The following SLC25A25 variants were observed in gnomAD, a reference collection of about 807,000 sequenced individuals.
SLC25A25 encodes the protein mitochondrial adenyl nucleotide antiporter SLC25A25.
SLC25A25 carries 32 observed loss-of-function variants against 57.7 expected under a neutral mutation model. The ratio of observed to expected loss-of-function variants is 0.55; its 90% CI spans 0.42 to 0.74. The LOEUF (loss-of-function observed/expected upper bound fraction) is 0.74. Among genes scored for constraint, SLC25A25 ranks in the 30% least tolerant of loss-of-function variants. The pLI is 0.00. For synonymous variants in SLC25A25, 306 were observed against 291.2 expected (o/e 1.05, Z -0.52); for missense variants, 556 against 701.3 (o/e 0.79, Z 2.34).
At chr9:128,071,880 T>C (rs1315159705) in intron 1 of SLC25A25, among the ~76,000 whole-genome samples, 1 of 151,458 alleles carries the variant, frequency 6.6e-6, no homozygotes, top group East Asian at 1.9e-4. Context: ...GCCCGGCTAA[T>C]TTTTGTACTA....
At position 128,105,800 on chromosome 9, in the gene SLC25A25, C is replaced by T; in HGVS notation, c.855C>T (p.Ala285=). 6.2e-7 allele frequency: 1 copy of T among 1,614,146 alleles called. No individual in the cohort carries two copies. The highest frequency in any genetic ancestry group is 1.1e-5 in the South Asian group (1 of 91,074). ...CTCAGATGATTCGAGAAGGAGGGGC[C>T]AGGTCACTCTGGCGGGGCAATGGCA... ...GFTQMIREGG[A]RSLWRGNGIN... is the part of the protein sequence containing the mutation. The change falls in exon 7 of 11, where the codon GCC becomes GCT. Residue 285 remains alanine (A), a synonymous_variant. Coordinates refer to ENST00000373069, the MANE Select transcript of SLC25A25 (RefSeq NM_001330988.2).
intron 1 of SLC25A25, among the ~76,000 whole-genome samples, chr9:128,081,371 T>C (rs576151181): frequency 6.6e-6 from 1 of 152,282 alleles, no homozygotes; most frequent in East Asian, 1.9e-4. Flanking sequence ...TTATGTTGCT[T>C]TAGTAATAAA....
intron 7 of SLC25A25, 118 bp downstream of exon 7, chr9:128,105,999 C>T (rs1834015614): frequency 6.5e-7 from 1 of 1,538,474 alleles, no homozygotes; most frequent in South Asian, 1.2e-5. Context: ...ACCCCAGGGA[C>T]AGCAGGGCGA....
Position 128,068,587 on chromosome 9 carries a change from T to A in SLC25A25, c.261+7T>A. ...CACCGAGGGCGAGCTCCAGGTAGGC[T>A]GCGCGCGTCCTCAGCACTGGCGGGG... On this transcript the variant is annotated splice_region_variant and intron_variant, in intron 1 of 10. Coordinates refer to ENST00000373069, the MANE Select transcript of SLC25A25 (RefSeq NM_001330988.2). 1 of 1,407,336 alleles carries A rather than the reference T, an allele frequency of 7.1e-7. No homozygotes were observed. Among genetic ancestry groups the A allele is most frequent in the Non-Finnish European group, 9.2e-7 (1 of 1,082,986 alleles). The allele number at this position is 1,407,336 out of a possible 1,614,324, so 87.2% of individuals were successfully genotyped here.
rs1833545370 is a variant in SLC25A25, at chr9:128,095,956, TAGAA to T, written c.262-5137_262-5134del. ...TAATTATTTTTAAAATATACTTTAA[TAGAA>T]AGTGAAATCTCCAATTGAACTTATT... On this transcript the variant is annotated intron_variant, in intron 1 of 10. Coordinates refer to ENST00000373069, the MANE Select transcript of SLC25A25 (RefSeq NM_001330988.2). This position sits in a 1 kb window ranked among gnomAD's most constrained non-coding sequence, Gnocchi z 4.4. 6.6e-6 allele frequency among the ~76,000 whole-genome samples: 1 copy of T among 152,254 alleles called. No homozygotes were observed. Among genetic ancestry groups the T allele is most frequent in the Non-Finnish European group, 1.5e-5 (1 of 68,046 alleles).
chr9:128,103,184 C>T lies in SLC25A25; in HGVS notation c.625-497C>T, dbSNP rs971321149. On this transcript the variant is annotated intron_variant, in intron 5 of 10. Transcript: ENST00000373069. This position sits in a 1 kb window ranked among gnomAD's most constrained non-coding sequence, Gnocchi z 6.7. ...CTGGCCTTTAGCCCTGGGATCAGAG[C>T]AGAGGTGGCTCTGATCAGCCCGGAT... 2.0e-5 allele frequency among the ~76,000 whole-genome samples: 3 copies of T among 152,300 alleles called. No individual in the cohort carries two copies. In the East Asian group the frequency reaches 5.8e-4, roughly 29 times the overall value.
rs1833797223 is a variant in SLC25A25, at chr9:128,101,587, C to G, written c.476+191C>G. Among the ~76,000 whole-genome samples the G allele has an allele frequency of 6.6e-6, 1 of 152,050 alleles. No individual in the cohort carries two copies. The highest frequency in any genetic ancestry group is 2.4e-5 in the African/African-American group (1 of 41,398). Reference sequence around the variant, plus strand: ...GCAGGCCTGCTTTCATTGGAAGAATCACAGATCACCTGGAATTTTGCCCAT... The same window carrying G: ...GCAGGCCTGCTTTCATTGGAAGAATGACAGATCACCTGGAATTTTGCCCAT... On this transcript the variant is annotated intron_variant, in intron 3 of 10. Transcript: ENST00000373069. The surrounding 1 kb of genome is among the most constrained non-coding windows in gnomAD (Gnocchi z 4.9).
chr9:128,085,505 G>A (rs72754887), intron 1 of SLC25A25, among the ~76,000 whole-genome samples: 1 of 152,132 alleles, frequency 6.6e-6, no homozygotes, highest in Admixed American at 6.5e-5. Flanking sequence ...TATAGGCAAG[G>A]TATTCAATTG....
Position 128,101,292 on chromosome 9 carries a change from G to C in SLC25A25, c.389-17G>C. The C allele has an allele frequency of 6.2e-7, 1 of 1,614,180 alleles. No homozygotes were observed. Among genetic ancestry groups the C allele is most frequent in the Non-Finnish European group, 8.5e-7 (1 of 1,180,010 alleles). On this transcript the variant is annotated splice_polypyrimidine_tract_variant and intron_variant, in intron 2 of 10. Transcript: ENST00000373069. This position sits in a 1 kb window ranked among gnomAD's most constrained non-coding sequence, Gnocchi z 4.9. ...CCCCGTGCGCCTGGCTCCTGCTCACGGCCTCTGTTCTTGCAGGACGCATTG... is the reference window on the plus strand; with the variant it reads ...CCCCGTGCGCCTGGCTCCTGCTCACCGCCTCTGTTCTTGCAGGACGCATTG...
At chr9:128,086,438 A>G (rs949855438) in intron 1 of SLC25A25, among the ~76,000 whole-genome samples, 3 of 151,072 alleles carry the variant, frequency 2.0e-5, no homozygotes, top group Non-Finnish European at 4.4e-5. Flanking sequence ...GGTTCAAGCA[A>G]TTCTTCTGCC....
At position 128,102,118 on chromosome 9, in the gene SLC25A25, A is replaced by T. The variant is rs1486666130; in HGVS notation, c.512+3A>T. 6.4e-7 allele frequency: 1 copy of T among 1,550,548 alleles called. No individual in the cohort carries two copies. Among genetic ancestry groups the T allele is most frequent in the Non-Finnish European group, 8.7e-7 (1 of 1,146,978 alleles). Reference sequence around the variant, plus strand: ...CATTTCTGGGGCCCTGTCACCTAGTAAGTATCCATGTCGCTCATGACTGCC... The same window carrying T: ...CATTTCTGGGGCCCTGTCACCTAGTTAGTATCCATGTCGCTCATGACTGCC... On this transcript the variant is annotated splice_donor_region_variant and intron_variant, in intron 4 of 10. Transcript: ENST00000373069. This position sits in a 1 kb window ranked among gnomAD's most constrained non-coding sequence, Gnocchi z 4.1.
intron 1 of SLC25A25, among the ~76,000 whole-genome samples, chr9:128,080,725 A>G (rs1217224910): frequency 6.6e-6 from 1 of 152,082 alleles, no homozygotes; most frequent in South Asian, 2.1e-4. Context: ...ACCCCCAGCC[A>G]TTGTTGGCCT....
In SLC25A25 at chr9:128,103,876, A is replaced by G; in HGVS notation, c.783+37A>G. The G allele has an allele frequency of 6.7e-7, 1 of 1,493,070 alleles. No homozygotes were observed. Among genetic ancestry groups the G allele is most frequent in the Non-Finnish European group, 8.9e-7 (1 of 1,122,554 alleles). The allele number at this position is 1,493,070 out of a possible 1,614,324, so 92.5% of individuals were successfully genotyped here. A position where few individuals can be genotyped will look rare whatever the true frequency, so the allele number is the denominator to read the frequency against. On this transcript the variant is annotated intron_variant, in intron 6 of 10. Transcript: ENST00000373069. The surrounding 1 kb of genome is among the most constrained non-coding windows in gnomAD (Gnocchi z 6.7). ...AAAGGCCCCAGACCCCTGGGGGGCC[A>G]GTTTCCACCTGGGGGATGCTGCTTG...
chr9:128,086,585 G>A (rs1476068274), intron 1 of SLC25A25, among the ~76,000 whole-genome samples: 3 of 151,786 alleles, frequency 2.0e-5, no homozygotes, highest in Non-Finnish European at 2.9e-5. Context: ...CACCCGCCTC[G>A]GCCTCCCAAA....
Position 128,068,438 on chromosome 9 carries a change from T to A in SLC25A25, c.119T>A (p.Ile40Asn). ...ASVGDPCGGA[I>N]CGGPDHRLRL... Reference sequence around the variant, plus strand: ...GTGGGGGACCCCTGCGGCGGCGCTATCTGCGGGGGCCCGGACCACCGGCTG... The same window carrying A: ...GTGGGGGACCCCTGCGGCGGCGCTAACTGCGGGGGCCCGGACCACCGGCTG... The change falls in exon 1 of 11, where the codon ATC becomes AAC. Residue 40 changes from isoleucine to asparagine, a missense_variant. Coordinates refer to ENST00000373069, the MANE Select transcript of SLC25A25 (RefSeq NM_001330988.2). The A allele has an allele frequency of 6.4e-7, 1 of 1,558,406 alleles. No homozygotes were observed. The highest frequency in any genetic ancestry group is 8.6e-7 in the Non-Finnish European group (1 of 1,162,908).
chr9:128,075,849 G>GA (rs1003409203), intron 1 of SLC25A25, among the ~76,000 whole-genome samples: 7 of 151,156 alleles, frequency 4.6e-5, no homozygotes, highest in East Asian at 3.9e-4. Context: ...GTCTCAAAAA[G>GA]AAAAAAAACA....
intron 1 of SLC25A25, among the ~76,000 whole-genome samples, chr9:128,074,202 GCTAA>G (rs1441769993): frequency 6.6e-6 from 1 of 151,660 alleles, no homozygotes; most frequent in Non-Finnish European, 1.5e-5. Context: ...ACCACGTCAG[GCTAA>G]CTTTTTTGTA....
chr9:128,098,011 C>T (rs746538714), intron 1 of SLC25A25, among the ~76,000 whole-genome samples: 8 of 152,186 alleles, frequency 5.3e-5, no homozygotes, highest in Non-Finnish European at 7.3e-5. Flanking sequence ...ACCTGGCTCT[C>T]GGCCACCCCT....
chr9:128,080,997 T>C (rs936361314), intron 1 of SLC25A25, among the ~76,000 whole-genome samples: 4 of 152,224 alleles, frequency 2.6e-5, no homozygotes, highest in African/African-American at 9.6e-5. Context: ...CCTTTTTTCA[T>C]TCACGACTTG....
Sources: gnomAD v4.1 joint callset for allele counts (sites outside exome capture counted in the v4.1 genomes callset) on GRCh38, gnomAD v4.1.1 for gene constraint, Gnocchi (gnomAD v3.1) non-coding constraint, MANE v1.5 for transcripts, NCBI Gene and HGNC (gene_info 2026-07-23, HGNC 2026-07-21) for gene names.